The following RABEP1 variants were observed in gnomAD, a reference collection of about 807,000 sequenced individuals.
The protein encoded by RABEP1 is rab GTPase-binding effector protein 1.
Under a neutral mutation model 123.4 loss-of-function variants are expected in RABEP1, and 51 were observed. The ratio of observed to expected loss-of-function variants is 0.41; its 90% CI spans 0.33 to 0.52. The LOEUF (loss-of-function observed/expected upper bound fraction) is 0.52, where lower values mean the gene tolerates loss of function less well. Among genes scored for constraint, RABEP1 ranks in the 20% least tolerant of loss-of-function variants. The pLI is 0.16. For missense variants in RABEP1, 888 were observed against 996.3 expected (o/e 0.89, Z 1.46); for synonymous variants, 347 against 355.2 (o/e 0.98, Z 0.26).
chr17:5,312,747 T>A (rs1226308910), intron 2 of RABEP1, among the ~76,000 whole-genome samples: 2 of 152,202 alleles, frequency 1.3e-5, no homozygotes, highest in Non-Finnish European at 2.9e-5. Flanking sequence ...AAGAATAGTC[T>A]ACTGTGGTAG....
At chr17:5,340,639 TA>T (rs57830996) in intron 5 of RABEP1, among the ~76,000 whole-genome samples, 221 of 142,748 alleles carry the variant, frequency 1.5e-3, no homozygotes, top group Non-Finnish European at 2.0e-3. Flanking sequence ...GCCAGATCTT[TA>T]AAAAAAAAAA....
At chr17:5,289,735 T>G (rs1194152005) in intron 1 of RABEP1, among the ~76,000 whole-genome samples, 1 of 152,156 alleles carries the variant, frequency 6.6e-6, no homozygotes, top group Non-Finnish European at 1.5e-5. Context: ...TTTTTCTGAA[T>G]AGATAGATAG....
intron 1 of RABEP1, among the ~76,000 whole-genome samples, chr17:5,306,652 TAGA>T (rs1293209637): frequency 1.3e-5 from 2 of 150,422 alleles, no homozygotes; most frequent in Non-Finnish European, 3.0e-5. Context: ...TACATGATAA[TAGA>T]GGAGGGTATA....
rs1296358816 is a variant in RABEP1, at chr17:5,385,616, T to C, written c.*2393T>C. The C allele has an allele frequency of 4.3e-6, 1 of 230,842 alleles. No individual in the cohort carries two copies. Among genetic ancestry groups the C allele is most frequent in the African/African-American group, 2.2e-5 (1 of 45,220 alleles). 14.3% of individuals were successfully genotyped at this position (230,842 alleles called of 1,614,324 possible). On this transcript the variant is annotated 3_prime_UTR_variant, in exon 18 of 18. Coordinates refer to ENST00000537505, the MANE Select transcript of RABEP1 (RefSeq NM_004703.6). ...CCTCATGTCCACTCAGTAACAAGTA[T>C]TGGGACGTAGAGCACAGCCTCACTC...
intron 8 of RABEP1, 160 bp from the exon 9 acceptor site, chr17:5,361,048 G>C: frequency 1.5e-6 from 1 of 675,446 alleles, no homozygotes; most frequent in African/African-American, 1.8e-5. Context: ...TTTGTGTCCA[G>C]CATGTAGAAA....
Position 5,346,863 on chromosome 17 carries a change from T to G in RABEP1, c.722T>G (p.Leu241Trp). ...GATCTAGAGATGTATGTAGCTGTTT[T>G]GAATACTCAGAAATCTGTTCTACAG... ...RTDLEMYVAVLNTQKSVLQED... is the reference protein window; with the variant it reads ...RTDLEMYVAVWNTQKSVLQED... The change falls in exon 6 of 18, where the codon TTG becomes TGG. Residue 241 changes from leucine (L) to tryptophan (W), a missense_variant. Transcript: ENST00000537505. 3.1e-6 allele frequency: 5 copies of G among 1,610,254 alleles called. No homozygotes were observed. The highest frequency in any genetic ancestry group is 4.2e-6 in the Non-Finnish European group (5 of 1,177,754).
chr17:5,289,142 C>A (rs1275066709), intron 1 of RABEP1, among the ~76,000 whole-genome samples: 1 of 138,210 alleles, frequency 7.2e-6, no homozygotes, highest in African/African-American at 2.7e-5. Context: ...TTTTTGCTTG[C>A]CCTCCCTTCC....
intron 10 of RABEP1, 39 bp from the exon 11 acceptor site, chr17:5,365,083 G>A: frequency 7.4e-7 from 1 of 1,343,256 alleles, no homozygotes; most frequent in Non-Finnish European, 1.0e-6. Flanking sequence ...AATTATAAAA[G>A]GATTCTGGTT....
chr17:5,309,412 G>T (rs1053515532), intron 2 of RABEP1, among the ~76,000 whole-genome samples: 3 of 152,262 alleles, frequency 2.0e-5, no homozygotes, highest in Non-Finnish European at 2.9e-5. Context: ...CACTTTGGGA[G>T]GCCAACGGGC....
intron 2 of RABEP1, among the ~76,000 whole-genome samples, chr17:5,329,834 T>C (rs200373423): frequency 3.8e-5 from 2 of 52,054 alleles, no homozygotes; most frequent in South Asian, 1.8e-3. Flanking sequence ...TATATATATA[T>C]ATATATATAT....
At chr17:5,293,015 T>TGTG (rs1301818541) in intron 1 of RABEP1, among the ~76,000 whole-genome samples, 2 of 152,092 alleles carry the variant, frequency 1.3e-5, no homozygotes, top group Non-Finnish European at 2.9e-5. Context: ...ATTGGCCAGG[T>TGTG]GTGGTGGCTC....
In RABEP1 at chr17:5,364,288, G is replaced by A. The variant is rs569244850; in HGVS notation, c.1669-834G>A. The A allele has an allele frequency of 7.2e-5, 11 of 152,282 alleles. No individual in the cohort carries two copies. In the East Asian group the frequency reaches 2.1e-3, roughly 29 times the overall value. The allele number at this position is 152,282 out of a possible 1,614,324, so 9.4% of individuals were successfully genotyped here. A position where few individuals can be genotyped will look rare whatever the true frequency, so the allele number is the denominator to read the frequency against. ...AGAGAAAAAATATACAAAGAACAGA[G>A]TTAGGAAAGAAAATGATGTATTGTA... On this transcript the variant is annotated intron_variant, in intron 10 of 17. Coordinates refer to ENST00000537505, the MANE Select transcript of RABEP1 (RefSeq NM_004703.6).
At chr17:5,344,688 C>T (rs192197478) in intron 5 of RABEP1, among the ~76,000 whole-genome samples, 24 of 137,680 alleles carry the variant, frequency 1.7e-4, no homozygotes, top group African/African-American at 6.3e-4. Context: ...AGGATAATGG[C>T]GTGAACCCGG....
intron 1 of RABEP1, among the ~76,000 whole-genome samples, chr17:5,285,215 A>G (rs1163025064): frequency 6.6e-6 from 1 of 151,716 alleles, no homozygotes; most frequent in Non-Finnish European, 1.5e-5. Flanking sequence ...AAAAATGAAA[A>G]TTTTCTAATT....
At chr17:5,290,976 A>G (rs968359331) in intron 1 of RABEP1, among the ~76,000 whole-genome samples, 2 of 152,204 alleles carry the variant, frequency 1.3e-5, no homozygotes, top group Non-Finnish European at 2.9e-5. Context: ...CAAATTAGTA[A>G]CTTGCCTAGA....
At chr17:5,377,514 TAAA>T (rs772937910) in intron 14 of RABEP1, among the ~76,000 whole-genome samples, 149 of 127,266 alleles carry the variant, frequency 1.2e-3, no homozygotes, top group African/African-American at 3.9e-3. Flanking sequence ...TCTGGTTATT[TAAA>T]AAATTTTTTT....
At chr17:5,341,204 C>T (rs1457989115) in intron 5 of RABEP1, among the ~76,000 whole-genome samples, 1 of 151,902 alleles carries the variant, frequency 6.6e-6, no homozygotes, top group Non-Finnish European at 1.5e-5. Flanking sequence ...TCACTTGAGC[C>T]CAAGGAGTTG....
rs962531933 is a variant in RABEP1 at position 5,385,522 on chromosome 17, G to A, written c.*2299G>A. 1 of 230,922 alleles carries A rather than the reference G, an allele frequency of 4.3e-6. No individual in the cohort carries two copies. Among genetic ancestry groups the A allele is most frequent in the Non-Finnish European group, 8.6e-6 (1 of 116,624 alleles). The allele number at this position is 230,922 out of a possible 1,614,324, so 14.3% of individuals were successfully genotyped here. On this transcript the variant is annotated 3_prime_UTR_variant, in exon 18 of 18. Coordinates refer to ENST00000537505, the MANE Select transcript of RABEP1 (RefSeq NM_004703.6). ...CAAGTGTAAAAAGATGACTTAAGGTGAAGTGAGGACAAAATCACATTCTGC... is the reference window on the plus strand; with the variant it reads ...CAAGTGTAAAAAGATGACTTAAGGTAAAGTGAGGACAAAATCACATTCTGC...
chr17:5,320,776 A>G (rs909101303), intron 2 of RABEP1, among the ~76,000 whole-genome samples: 1 of 152,206 alleles, frequency 6.6e-6, no homozygotes, highest in Non-Finnish European at 1.5e-5. Context: ...CCTATAATAG[A>G]TTGACTAAAA....
Sources: gnomAD v4.1 joint callset for allele counts (sites outside exome capture counted in the v4.1 genomes callset) on GRCh38, gnomAD v4.1.1 for gene constraint, MANE v1.5 for transcripts, NCBI Gene and HGNC (gene_info 2026-07-23, HGNC 2026-07-21) for gene names.